The following FAM135B variants were observed in gnomAD, a reference collection of about 807,000 sequenced individuals.
FAM135B encodes protein FAM135B.
FAM135B carries 43 observed loss-of-function variants against 127.7 expected under a neutral mutation model. The observed-to-expected ratio is 0.34, with a 90% CI of 0.26 to 0.43. FAM135B has a LOEUF of 0.43. Ranked by LOEUF, FAM135B falls within the 20% of genes least tolerant of loss-of-function variation. The pLI is 1.00. For missense variants in FAM135B, 1,558 were observed against 1,725.6 expected, an observed-to-expected ratio of 0.90 and a Z score of 1.72; for synonymous variants, 670 against 665.1, an observed-to-expected ratio of 1.01 and a Z score of -0.11.
chr8:138,495,657 A>C (rs1037309166), intron 1 of FAM135B, among the ~76,000 whole-genome samples: 1 of 152,102 alleles, frequency 6.6e-6, no homozygotes, highest in Non-Finnish European at 1.5e-5. Flanking sequence ...TTCACATGCT[A>C]TCTTCCTTCT....
At chr8:138,428,095 T>C (rs1347434463) in intron 1 of FAM135B, among the ~76,000 whole-genome samples, 1 of 152,228 alleles carries the variant, frequency 6.6e-6, no homozygotes, top group Admixed American at 6.5e-5. Context: ...AAATGTTTTA[T>C]GTTAATTTAT....
chr8:138,325,972 T>G (rs1827775130), intron 2 of FAM135B, among the ~76,000 whole-genome samples: 1 of 152,108 alleles, frequency 6.6e-6, no homozygotes, highest in Admixed American at 6.5e-5. Context: ...CCTAAATACA[T>G]TCATCAGCAA....
chr8:138,360,928 C>CT (rs5895517), intron 2 of FAM135B, among the ~76,000 whole-genome samples: 5,550 of 140,716 alleles, frequency 0.039, 155 homozygotes, highest in Non-Finnish European at 0.062. Flanking sequence ...TCCATTTCTT[C>CT]TTTTTTTTTT....
At chr8:138,183,982 T>C (rs1815322512) in intron 9 of FAM135B, among the ~76,000 whole-genome samples, 2 of 152,186 alleles carry the variant, frequency 1.3e-5, no homozygotes, top group South Asian at 4.1e-4. Context: ...AGGAACAAAG[T>C]AACACAAATC....
At position 138,243,185 on chromosome 8, in the gene FAM135B, A is replaced by G; in HGVS notation, c.543-117T>C. On this transcript the variant is annotated intron_variant, in intron 6 of 19. Coordinates refer to ENST00000395297, the MANE Select transcript of FAM135B (RefSeq NM_015912.4). This position sits in a 1 kb window ranked among gnomAD's most constrained non-coding sequence, Gnocchi z 7.5. ...CATTTGGGATAAGTCATTTAGGAGTAGTTCACCCCCTAGGGAGTGTTTGCA... is the reference window on the plus strand; with the variant it reads ...CATTTGGGATAAGTCATTTAGGAGTGGTTCACCCCCTAGGGAGTGTTTGCA... The G allele has an allele frequency of 3.3e-6, 4 of 1,229,736 alleles. No individual in the cohort carries two copies. The highest frequency in any genetic ancestry group is 4.4e-6 in the Non-Finnish European group (4 of 904,866). The allele number at this position is 1,229,736 out of a possible 1,614,324, so 76.2% of individuals were successfully genotyped here.
intron 3 of FAM135B, among the ~76,000 whole-genome samples, chr8:138,275,363 C>T (rs1823736636): frequency 6.6e-6 from 1 of 152,038 alleles, no homozygotes; most frequent in Admixed American, 6.6e-5. Context: ...CTGCTCTTAC[C>T]ACCTATTTGT....
chr8:138,236,546 C>T (rs995762504), intron 7 of FAM135B, among the ~76,000 whole-genome samples: 1 of 152,110 alleles, frequency 6.6e-6, no homozygotes, highest in Non-Finnish European at 1.5e-5. Flanking sequence ...GAGATGGCAT[C>T]AGGCTCACTG....
At chr8:138,192,863 G>A (rs1186162787) in intron 9 of FAM135B, among the ~76,000 whole-genome samples, 1 of 152,162 alleles carries the variant, frequency 6.6e-6, no homozygotes, top group African/African-American at 2.4e-5. Context: ...TAGGCAGTGG[G>A]TAAAATGAAC....
intron 4 of FAM135B, among the ~76,000 whole-genome samples, chr8:138,262,940 G>A (rs939069816): frequency 6.8e-6 from 1 of 148,128 alleles, no homozygotes; most frequent in Non-Finnish European, 1.5e-5. Flanking sequence ...CAATGGCTGA[G>A]TTCTCAAGGT....
intron 7 of FAM135B, among the ~76,000 whole-genome samples, chr8:138,229,582 C>G (rs1435158072): frequency 6.6e-6 from 1 of 152,090 alleles, no homozygotes; most frequent in Admixed American, 6.6e-5. Flanking sequence ...GGCAGTTTTA[C>G]GAAAAGCAGG....
At chr8:138,140,073 G>GA (rs1231948114) in intron 17 of FAM135B, among the ~76,000 whole-genome samples, 1 of 152,302 alleles carries the variant, frequency 6.6e-6, no homozygotes, top group East Asian at 1.9e-4. Flanking sequence ...AACTGTGGGG[G>GA]AAAAATGTAG....
At chr8:138,411,886 T>TA (rs1454018122) in intron 1 of FAM135B, among the ~76,000 whole-genome samples, 8 of 152,144 alleles carry the variant, frequency 5.3e-5, no homozygotes, top group African/African-American at 1.9e-4. Context: ...TCTGCAGCCA[T>TA]AAAGAAACAA....
rs576567937 is a variant in FAM135B at position 138,243,544 on chromosome 8, G to T, written c.543-476C>A. On this transcript the variant is annotated intron_variant, in intron 6 of 19. Coordinates refer to ENST00000395297, the MANE Select transcript of FAM135B (RefSeq NM_015912.4). The surrounding 1 kb of genome is among the most constrained non-coding windows in gnomAD (Gnocchi z 7.5). ...CATGATCCGCATGAGAGTCTAATAC[G>T]ATGTCAAAGACTGTCATAAGCCAGA... 6.6e-6 allele frequency among the ~76,000 whole-genome samples: 1 copy of T among 152,132 alleles called. No homozygotes were observed. Among genetic ancestry groups the T allele is most frequent in the Non-Finnish European group, 1.5e-5 (1 of 68,046 alleles).
intron 1 of FAM135B, among the ~76,000 whole-genome samples, chr8:138,389,381 C>A (rs1832406647): frequency 6.6e-6 from 1 of 152,144 alleles, no homozygotes; most frequent in African/African-American, 2.4e-5. Context: ...CAGCATTATT[C>A]ACAATAGACA....
At chr8:138,480,961 A>G (rs988585234) in intron 1 of FAM135B, among the ~76,000 whole-genome samples, 1 of 152,248 alleles carries the variant, frequency 6.6e-6, no homozygotes, top group African/African-American at 2.4e-5. Context: ...TTAAGATTAC[A>G]GGAGAAAACC....
intron 15 of FAM135B, chr8:138,144,524 T>A (rs902025615): frequency 2.6e-5 from 4 of 152,226 alleles, no homozygotes; most frequent in Non-Finnish European, 4.4e-5. Flanking sequence ...TATACATTAT[T>A]TAAACAAGTG....
chr8:138,267,761 G>A (rs1232716128), intron 3 of FAM135B, among the ~76,000 whole-genome samples: 12 of 152,138 alleles, frequency 7.9e-5, no homozygotes, highest in Admixed American at 7.9e-4. Flanking sequence ...AAAATGCCAG[G>A]TTGTTTCCAA....
At chr8:138,425,735 C>T (rs1347996660) in intron 1 of FAM135B, among the ~76,000 whole-genome samples, 2 of 151,390 alleles carry the variant, frequency 1.3e-5, no homozygotes, top group African/African-American at 2.4e-5. Context: ...AGATACCATG[C>T]TTTCTCCTGA....
At chr8:138,171,942 G>A (rs1820494113) in intron 11 of FAM135B, among the ~76,000 whole-genome samples, 1 of 152,184 alleles carries the variant, frequency 6.6e-6, no homozygotes, top group African/African-American at 2.4e-5. Context: ...ACAGGTGGAG[G>A]TGTGCATGTG....
Sources: allele counts gnomAD v4.1 joint callset (sites outside exome capture counted in the v4.1 genomes callset), GRCh38; gene constraint gnomAD v4.1.1; non-coding constraint Gnocchi (gnomAD v3.1); transcripts MANE v1.5; gene names NCBI Gene and HGNC (gene_info 2026-07-23, HGNC 2026-07-21).